Variants in HS3ST4 observed in about 807,000 individuals in gnomAD.
The protein encoded by HS3ST4 is heparan sulfate glucosamine 3-O-sulfotransferase 4.
In HS3ST4, 17 loss-of-function variants were observed where a neutral mutation model predicts 29.2. The ratio of observed to expected loss-of-function variants is 0.58; its 90% CI spans 0.40 to 0.87. The LOEUF (loss-of-function observed/expected upper bound fraction) is 0.87. Among genes scored for constraint, HS3ST4 ranks in the 40% least tolerant of loss-of-function variants. The probability of loss-of-function intolerance (pLI) is 0.00; values close to 1 mark genes in which losing one functional copy is unlikely to be tolerated. For synonymous variants in HS3ST4, 314 were observed against 285.7 expected (o/e 1.10, Z -1.00); for missense variants, 627 against 634.5 (o/e 0.99, Z 0.13).
intron 1 of HS3ST4, among the ~76,000 whole-genome samples, chr16:25,855,234 G>A (rs1339364415): frequency 6.6e-6 from 1 of 152,088 alleles, no homozygotes; most frequent in Non-Finnish European, 1.5e-5. Context: ...AGAAAAGGGG[G>A]ATGGGTGTGG....
intron 1 of HS3ST4, among the ~76,000 whole-genome samples, chr16:25,880,249 C>G (rs1171393013): frequency 6.6e-6 from 1 of 152,102 alleles, no homozygotes. Context: ...GGATTAATGG[C>G]TGTTTCATCC....
rs149502868 is a variant in HS3ST4, at chr16:25,819,618, C to T, written c.734+126467C>T. ...GTGGTCCTGTGTGAAATGTCAACTCCGCTAGACACGTCCGGGAGGAAGTGC... is the reference window on the plus strand; with the variant it reads ...GTGGTCCTGTGTGAAATGTCAACTCTGCTAGACACGTCCGGGAGGAAGTGC... On this transcript the variant is annotated intron_variant, in intron 1 of 1. Transcript: ENST00000331351. 2.2e-3 allele frequency among the ~76,000 whole-genome samples: 341 copies of T among 152,204 alleles called. 1 individual carries two copies. The highest frequency in any genetic ancestry group is 7.9e-3 in the African/African-American group (326 of 41,522).
intron 1 of HS3ST4, among the ~76,000 whole-genome samples, chr16:25,861,167 C>T (rs1967632458): frequency 6.6e-6 from 1 of 152,188 alleles, no homozygotes; most frequent in South Asian, 2.1e-4. Context: ...CTGATTTGAA[C>T]AGAGGCAGGG....
chr16:26,118,465 T>A (rs1899228488), intron 1 of HS3ST4, among the ~76,000 whole-genome samples: 1 of 152,204 alleles, frequency 6.6e-6, no homozygotes, highest in Non-Finnish European at 1.5e-5. Flanking sequence ...CTAATGGAAC[T>A]TTCTGTGATG....
chr16:25,928,692 G>A (rs1216641577), intron 1 of HS3ST4, among the ~76,000 whole-genome samples: 1 of 152,126 alleles, frequency 6.6e-6, no homozygotes, highest in Non-Finnish European at 1.5e-5. Flanking sequence ...GAAAGGTTCT[G>A]GGTCCACTGT....
chr16:25,925,447 C>A (rs1195375286), intron 1 of HS3ST4, among the ~76,000 whole-genome samples: 1 of 152,048 alleles, frequency 6.6e-6, no homozygotes, highest in Non-Finnish European at 1.5e-5. Context: ...CAGCTCACTC[C>A]CTGCACAGAG....
At chr16:25,845,898 C>G (rs1306593467) in intron 1 of HS3ST4, among the ~76,000 whole-genome samples, 1 of 152,128 alleles carries the variant, frequency 6.6e-6, no homozygotes, top group Admixed American at 6.5e-5. Context: ...GACCTTTACT[C>G]ATTTTTCTAT....
At chr16:25,879,519 C>T (rs1460716215) in intron 1 of HS3ST4, among the ~76,000 whole-genome samples, 1 of 152,048 alleles carries the variant, frequency 6.6e-6, no homozygotes, top group African/African-American at 2.4e-5. Context: ...ACCATCAGAT[C>T]TCCTGAGACT....
chr16:25,904,670 G>A (rs1968162359), intron 1 of HS3ST4, among the ~76,000 whole-genome samples: 1 of 152,166 alleles, frequency 6.6e-6, no homozygotes, highest in African/African-American at 2.4e-5. Context: ...TGGTAATCAA[G>A]AGAAAGAATT....
chr16:25,857,119 C>A (rs916646992), intron 1 of HS3ST4, among the ~76,000 whole-genome samples: 1 of 152,096 alleles, frequency 6.6e-6, no homozygotes, highest in Non-Finnish European at 1.5e-5. Context: ...AGTCTGGGGG[C>A]CTTAGGAGTT....
chr16:26,047,785 T>C lies in HS3ST4; in HGVS notation c.735-87827T>C, dbSNP rs1275493664. The stretch of plus-strand genomic sequence containing the variant: ...CTTTTATATGAGTAAGAACTGGACC[T>C]TGGACTCAAGAAGTTCATGATGAGA... On this transcript the variant is annotated intron_variant, in intron 1 of 1. Transcript: ENST00000331351. 5.9e-5 allele frequency among the ~76,000 whole-genome samples: 9 copies of C among 152,328 alleles called. No homozygotes were observed. The East Asian group carries it at 1.7e-3, about 29-fold the overall frequency.
At chr16:25,990,788 T>C (rs975390371) in intron 1 of HS3ST4, among the ~76,000 whole-genome samples, 3 of 152,196 alleles carry the variant, frequency 2.0e-5, no homozygotes. Context: ...GTCTCATGTA[T>C]AATCAATGGT....
At chr16:25,746,873 G>A (rs1966688900) in intron 1 of HS3ST4, among the ~76,000 whole-genome samples, 1 of 151,614 alleles carries the variant, frequency 6.6e-6, no homozygotes, top group Non-Finnish European at 1.5e-5. Context: ...TATAGAGAGG[G>A]GGTCTTGCTC....
At position 26,093,762 on chromosome 16, in the gene HS3ST4, T is replaced by G. The variant is rs551070758; in HGVS notation, c.735-41850T>G. ...GGAACAAAGCTGGACGGGGAATGACTTTGACGAGTTGACAGAAGTAGGCTT... is the reference window on the plus strand; with the variant it reads ...GGAACAAAGCTGGACGGGGAATGACGTTGACGAGTTGACAGAAGTAGGCTT... On this transcript the variant is annotated intron_variant, in intron 1 of 1. Transcript: ENST00000331351. 3.9e-5 allele frequency among the ~76,000 whole-genome samples: 6 copies of G among 152,318 alleles called. No homozygotes were observed. In the East Asian group the frequency reaches 1.2e-3, roughly 29 times the overall value.
At chr16:25,996,719 T>C (rs1969162083) in intron 1 of HS3ST4, among the ~76,000 whole-genome samples, 2 of 152,328 alleles carry the variant, frequency 1.3e-5, no homozygotes, top group South Asian at 4.1e-4. Context: ...TACTATTCTC[T>C]ATTTGGCTAT....
chr16:26,102,150 G>A (rs1898997743), intron 1 of HS3ST4, among the ~76,000 whole-genome samples: 1 of 151,932 alleles, frequency 6.6e-6, no homozygotes, highest in South Asian at 2.1e-4. Context: ...TCATTTGAGG[G>A]TCAATATAAA....
intron 1 of HS3ST4, among the ~76,000 whole-genome samples, chr16:25,783,132 T>G (rs1351252269): frequency 1.3e-5 from 2 of 152,174 alleles, no homozygotes; most frequent in Admixed American, 6.5e-5. Context: ...TTTTTTTTCT[T>G]TTTATTTTGT....
At chr16:25,782,931 T>G (rs1016890406) in intron 1 of HS3ST4, among the ~76,000 whole-genome samples, 3 of 152,196 alleles carry the variant, frequency 2.0e-5, no homozygotes, top group Non-Finnish European at 4.4e-5. Context: ...TGGTAATAGC[T>G]TGTCTGTTTC....
At chr16:26,123,425 T>C (rs896343771) in intron 1 of HS3ST4, among the ~76,000 whole-genome samples, 1 of 152,202 alleles carries the variant, frequency 6.6e-6, no homozygotes, top group East Asian at 1.9e-4. Context: ...AGTTGACCCT[T>C]GGCCAGTGAT....
Sources: gnomAD v4.1 joint callset for allele counts (sites outside exome capture counted in the v4.1 genomes callset) on GRCh38, gnomAD v4.1.1 for gene constraint, MANE v1.5 for transcripts, NCBI Gene and HGNC (gene_info 2026-07-23, HGNC 2026-07-21) for gene names.